Variants in DISP1 observed in about 807,000 individuals in gnomAD.
DISP1 encodes protein dispatched homolog 1.
In DISP1, 30 loss-of-function variants were observed where a neutral mutation model predicts 37.3. That is an observed-to-expected ratio of 0.80 (90% CI 0.60 to 1.09). The LOEUF is 1.09. Ranked by LOEUF, DISP1 falls within the 50% of genes least tolerant of loss-of-function variation. DISP1 has a pLI of 0.00. For missense variants in DISP1, 1,598 were observed against 1,879.5 expected, an observed-to-expected ratio of 0.85 and a Z score of 2.77; for synonymous variants, 634 against 690.2, an observed-to-expected ratio of 0.92 and a Z score of 1.28.
At chr1:222,815,933 C>G (rs1661110998) in intron 1 of DISP1, among the ~76,000 whole-genome samples, 1 of 152,140 alleles carries the variant, frequency 6.6e-6, no homozygotes, top group African/African-American at 2.4e-5. Context: ...GTCCAACTTT[C>G]TAACACATTT....
chr1:223,005,645 CTG>C lies in DISP1; in HGVS notation c.4250_4251del (p.Cys1417Ter). The C allele has an allele frequency of 1.9e-6, 3 of 1,614,028 alleles. No individual in the cohort carries two copies. In the East Asian group the frequency reaches 6.7e-5, roughly 36 times the overall value. On this transcript the variant is annotated frameshift_variant, in exon 9 of 9. Transcript: ENST00000675850. LOFTEE classifies it low-confidence loss of function (END_TRUNC). ...ACCCCGAGAATAAACAAAGGGAACT[CTG>C]TAAAAATAGAGACGTGAGCAATCTG... ...CDPENKQRELCKNRDVSNLES... is the reference protein window; with the variant it reads ...CDPENKQRELXKNRDVSNLES...
At chr1:222,856,706 GTT>G (rs11441357) in intron 1 of DISP1, among the ~76,000 whole-genome samples, 9 of 132,000 alleles carry the variant, frequency 6.8e-5, no homozygotes, top group Non-Finnish European at 4.8e-5. Context: ...ATTATAATTC[GTT>G]TTTTTTTTTT....
chr1:222,979,670 G>A (rs199814169), intron 3 of DISP1: 15 of 470,770 alleles, frequency 3.2e-5, no homozygotes, highest in Non-Finnish European at 5.3e-5. Flanking sequence ...AGATGTGAAC[G>A]TGTTCACTGA....
chr1:222,960,575 G>A (rs1040260178), intron 3 of DISP1, among the ~76,000 whole-genome samples: 4 of 152,006 alleles, frequency 2.6e-5, no homozygotes, highest in Non-Finnish European at 5.9e-5. Context: ...AGAGGCAAGC[G>A]CAAAGTAATC....
intron 3 of DISP1, among the ~76,000 whole-genome samples, chr1:222,975,711 C>CAGTACAGAGT (rs1677266455): frequency 1.3e-5 from 2 of 152,342 alleles, no homozygotes; most frequent in Non-Finnish European, 2.9e-5. Flanking sequence ...TACCGCAGTT[C>CAGTACAGAGT]ACTGGTCATC....
At chr1:222,906,974 T>A (rs2125414176) in intron 1 of DISP1, among the ~76,000 whole-genome samples, 1 of 152,322 alleles carries the variant, frequency 6.6e-6, no homozygotes, top group African/African-American at 2.4e-5. Context: ...CATGGAAGAT[T>A]TTGACCTTGG....
intron 1 of DISP1, among the ~76,000 whole-genome samples, chr1:222,883,453 A>G (rs1258630454): frequency 2.6e-5 from 4 of 152,274 alleles, no homozygotes; most frequent in African/African-American, 9.6e-5. Context: ...CCGCGTCGCT[A>G]CTAAAAATAC....
intron 2 of DISP1, among the ~76,000 whole-genome samples, chr1:222,932,085 A>G (rs1012035635): frequency 1.5e-4 from 23 of 152,018 alleles, no homozygotes; most frequent in Admixed American, 1.2e-3. Context: ...GTTTTCTAAT[A>G]TGCAGCAATA....
At chr1:222,829,536 C>T (rs1393264151) in intron 1 of DISP1, among the ~76,000 whole-genome samples, 1 of 151,862 alleles carries the variant, frequency 6.6e-6, no homozygotes, top group Non-Finnish European at 1.5e-5. Context: ...CCTCTGCCTT[C>T]CCAGGTTCTA....
chr1:222,908,733 C>T (rs1323641807), intron 1 of DISP1, among the ~76,000 whole-genome samples: 1 of 152,056 alleles, frequency 6.6e-6, no homozygotes, highest in African/African-American at 2.4e-5. Context: ...AATCAGTAAC[C>T]TAATGAATTT....
At chr1:222,933,847 T>C (rs1673550648) in intron 2 of DISP1, among the ~76,000 whole-genome samples, 1 of 152,044 alleles carries the variant, frequency 6.6e-6, no homozygotes, top group Admixed American at 6.6e-5. Context: ...TCTAGTTCCT[T>C]AAAAGTGTCT....
rs370158226 is a variant in DISP1 at position 222,947,043 on chromosome 1, T to C, written c.509+3711T>C. ...AATATACATAACATAAAACTTAATA[T>C]TTTAACCATTTTTAAGTATACAGTT... On this transcript the variant is annotated intron_variant, in intron 3 of 8. Coordinates refer to ENST00000675850, the MANE Select transcript of DISP1 (RefSeq NM_001377229.1). 9.9e-5 allele frequency among the ~76,000 whole-genome samples: 15 copies of C among 152,198 alleles called. No individual in the cohort carries two copies. In the East Asian group the frequency reaches 1.5e-3, roughly 16 times the overall value.
chr1:222,908,235 TATCA>T (rs1388121327), intron 1 of DISP1, among the ~76,000 whole-genome samples: 1 of 152,144 alleles, frequency 6.6e-6, no homozygotes, highest in Non-Finnish European at 1.5e-5. Context: ...AAGATAAAGT[TATCA>T]ATCAAAGAGG....
At chr1:222,853,579 G>A (rs1180876842) in intron 1 of DISP1, among the ~76,000 whole-genome samples, 1 of 152,126 alleles carries the variant, frequency 6.6e-6, no homozygotes, top group Admixed American at 6.6e-5. Context: ...ATGAAATCCT[G>A]TCATTCACAG....
intron 2 of DISP1, among the ~76,000 whole-genome samples, chr1:222,933,345 T>C (rs1245318063): frequency 1.3e-5 from 2 of 151,960 alleles, no homozygotes; most frequent in East Asian, 3.8e-4. Context: ...TGTAATCATA[T>C]TAATAGAGGT....
At chr1:222,816,693 T>A (rs1371368906) in intron 1 of DISP1, among the ~76,000 whole-genome samples, 1 of 152,222 alleles carries the variant, frequency 6.6e-6, no homozygotes, top group Non-Finnish European at 1.5e-5. Flanking sequence ...TCCTTATGTT[T>A]AGGAGGACTG....
At chr1:222,983,224 G>A in intron 4 of DISP1, 115 bp downstream of exon 4, 2 of 861,172 alleles carry the variant, frequency 2.3e-6, no homozygotes, top group Non-Finnish European at 3.8e-6. Context: ...ATATTTTTAT[G>A]AAAGAAAAAG....
chr1:222,996,238 C>A (rs1377224544), intron 8 of DISP1, among the ~76,000 whole-genome samples: 1 of 152,138 alleles, frequency 6.6e-6, no homozygotes, highest in East Asian at 1.9e-4. Flanking sequence ...AGGCTATGAA[C>A]CTATTTCTCT....
chr1:222,906,579 C>T (rs566657987), intron 1 of DISP1, among the ~76,000 whole-genome samples: 1 of 152,330 alleles, frequency 6.6e-6, no homozygotes, highest in African/African-American at 2.4e-5. Context: ...ACCAAGATGG[C>T]GATGAGAGTG....
Sources: allele counts gnomAD v4.1 joint callset (sites outside exome capture counted in the v4.1 genomes callset), GRCh38; gene constraint gnomAD v4.1.1; transcripts MANE v1.5; gene names NCBI Gene and HGNC (gene_info 2026-07-23, HGNC 2026-07-21).